Variants in C8orf89 observed in about 807,000 individuals in gnomAD.
C8orf89 encodes the protein chromosome 8 open reading frame 89.
C8orf89 carries 14 observed loss-of-function variants against 15.8 expected under a neutral mutation model. The ratio of observed to expected loss-of-function variants is 0.89; its 90% CI spans 0.59 to 1.39. The LOEUF is 1.39. Ranked by LOEUF, C8orf89 falls within the 40% of genes most tolerant of loss-of-function variation. C8orf89 has a pLI of 0.00. For missense variants in C8orf89, 181 were observed against 184.5 expected, an observed-to-expected ratio of 0.98 and a Z score of 0.11; for synonymous variants, 55 against 62.2, an observed-to-expected ratio of 0.88 and a Z score of 0.54.
intron 3 of C8orf89, among the ~76,000 whole-genome samples, chr8:73,245,174 G>C (rs1813097864): frequency 6.6e-6 from 1 of 152,196 alleles, no homozygotes; most frequent in Non-Finnish European, 1.5e-5. Flanking sequence ...CCGCCCCCAT[G>C]ATTCAATCAT....
chr8:73,250,468 G>T, intron 2 of C8orf89, 145 bp from the exon 3 acceptor site: 1 of 573,266 alleles, frequency 1.7e-6, no homozygotes, highest in South Asian at 2.6e-5. Context: ...ATCAGAAGCA[G>T]ATATGAGCCA....
intron 2 of C8orf89, among the ~76,000 whole-genome samples, chr8:73,252,976 C>T (rs1432991416): frequency 6.6e-6 from 1 of 152,108 alleles, no homozygotes; most frequent in Non-Finnish European, 1.5e-5. Context: ...CCCGTCTCTA[C>T]TAAAAAAATA....
chr8:73,256,851 G>C lies in C8orf89; in HGVS notation c.281+122C>G, dbSNP rs1237011367. The C allele has an allele frequency of 6.9e-6, 3 of 436,202 alleles. No homozygotes were observed. In the African/African-American group the frequency reaches 8.2e-5, roughly 12 times the overall value. 27.0% of individuals were successfully genotyped at this position (436,202 alleles called of 1,614,324 possible). A position where few individuals can be genotyped will look rare whatever the true frequency, so the allele number is the denominator to read the frequency against. ...AGATTTTAAAAATTAAATCCTTTATGTAAAAAAAAAAAAAAAACAGGCAAA... is the reference window on the plus strand; with the variant it reads ...AGATTTTAAAAATTAAATCCTTTATCTAAAAAAAAAAAAAAAACAGGCAAA... On this transcript the variant is annotated intron_variant, in intron 2 of 3. Transcript: ENST00000624510.
upstream of C8orf89, among the ~76,000 whole-genome samples, chr8:73,261,154 C>A (rs181223866): frequency 2.2e-4 from 34 of 152,242 alleles, no homozygotes; most frequent in Admixed American, 3.9e-4. Context: ...CAGCTTTTTG[C>A]GAGACTTTAC....
chr8:73,250,308 C>T lies in C8orf89; in HGVS notation c.297G>A (p.Lys99=). The T allele has an allele frequency of 6.5e-7, 1 of 1,530,486 alleles. No individual in the cohort carries two copies. The highest frequency in any genetic ancestry group is 8.8e-7 in the Non-Finnish European group (1 of 1,142,476). The allele number at this position is 1,530,486 out of a possible 1,614,324, so 94.8% of individuals were successfully genotyped here. A position where few individuals can be genotyped will look rare whatever the true frequency, so the allele number is the denominator to read the frequency against. The change falls in exon 3 of 4, where the codon AAG becomes AAA. Residue 99 remains lysine (K), a synonymous_variant. Coordinates refer to ENST00000624510, the MANE Select transcript of C8orf89 (RefSeq NM_001243237.3). ...EVSAVRLKKT[K]ETCSVAPLWE... ...AAAGTGGTGCCACACTGCATGTCTCCTTAGTCTTCTTTAGCCTGAATATTA... is the reference window on the plus strand; with the variant it reads ...AAAGTGGTGCCACACTGCATGTCTCTTTAGTCTTCTTTAGCCTGAATATTA...
chr8:73,249,292 C>G (rs1813196008), intron 3 of C8orf89, among the ~76,000 whole-genome samples: 1 of 152,140 alleles, frequency 6.6e-6, no homozygotes, highest in Non-Finnish European at 1.5e-5. Context: ...GGTGGATTAG[C>G]TTTTTGGTAT....
the C8orf89 span, among the ~76,000 whole-genome samples, chr8:73,284,339 G>C: frequency 4.0e-5 from 6 of 149,414 alleles, no homozygotes; most frequent in Admixed American, 2.0e-4. Context: ...TCAGCCTCCT[G>C]AGTAGCTGGG....
At chr8:73,247,837 T>G (rs1224769681) in intron 3 of C8orf89, among the ~76,000 whole-genome samples, 3 of 152,232 alleles carry the variant, frequency 2.0e-5, no homozygotes, top group Non-Finnish European at 2.9e-5. Context: ...ATGCTGGATA[T>G]TAGACCTTTG....
intron 3 of C8orf89, among the ~76,000 whole-genome samples, chr8:73,249,425 T>A (rs536883474): frequency 6.6e-6 from 1 of 152,202 alleles, no homozygotes; most frequent in East Asian, 1.9e-4. Context: ...AGGATGATGC[T>A]TGTCTCATAG....
the C8orf89 span, among the ~76,000 whole-genome samples, chr8:73,280,706 CAT>C: frequency 6.6e-6 from 1 of 150,778 alleles, no homozygotes; most frequent in Non-Finnish European, 1.5e-5. Context: ...CATACATATA[CAT>C]ATATATATAC....
At chr8:73,276,938 C>T in the C8orf89 span, among the ~76,000 whole-genome samples, 416 of 151,732 alleles carry the variant, frequency 2.7e-3, no homozygotes, top group Non-Finnish European at 4.9e-3. Context: ...TCCTGAATAG[C>T]TGGGACTACA....
rs1167756359 is a variant in C8orf89 at position 73,241,452 on chromosome 8, A to AT, written c.*4dup. The AT allele has an allele frequency of 1.3e-6, 2 of 1,519,614 alleles. No individual in the cohort carries two copies. Among genetic ancestry groups the AT allele is most frequent in the South Asian group, 2.5e-5 (2 of 81,158 alleles). 94.1% of individuals were successfully genotyped at this position (1,519,614 alleles called of 1,614,324 possible). ...TGAAGAAAGCATCACACTGTACGACATTTTTCAGCGGTCTCGGAGGTCTCG... is the reference window on the plus strand; with the variant it reads ...TGAAGAAAGCATCACACTGTACGACATTTTTTCAGCGGTCTCGGAGGTCTCG... On this transcript the variant is annotated 3_prime_UTR_variant, in exon 4 of 4. Coordinates refer to ENST00000624510, the MANE Select transcript of C8orf89 (RefSeq NM_001243237.3).
At position 73,257,141 on chromosome 8, in the gene C8orf89, A is replaced by G. The variant is rs1029384863; in HGVS notation, c.128-15T>C. 4.0e-6 allele frequency: 6 copies of G among 1,493,242 alleles called. No individual in the cohort carries two copies. Among genetic ancestry groups the G allele is most frequent in the Non-Finnish European group, 4.5e-6 (5 of 1,117,230 alleles). 92.5% of individuals were successfully genotyped at this position (1,493,242 alleles called of 1,614,324 possible). On this transcript the variant is annotated splice_polypyrimidine_tract_variant and intron_variant, in intron 1 of 3. Coordinates refer to ENST00000624510, the MANE Select transcript of C8orf89 (RefSeq NM_001243237.3). ...TGTGGTATATTCTGGTTAAAAATATATAAGAATCATCTTGATTAAATGCAT... is the reference window on the plus strand; with the variant it reads ...TGTGGTATATTCTGGTTAAAAATATGTAAGAATCATCTTGATTAAATGCAT...
At chr8:73,268,806 A>G in the C8orf89 span, among the ~76,000 whole-genome samples, 1 of 152,180 alleles carries the variant, frequency 6.6e-6, no homozygotes, top group Non-Finnish European at 1.5e-5. Context: ...ATGAGTTGCT[A>G]ATTGTTGCAA....
upstream of C8orf89, among the ~76,000 whole-genome samples, chr8:73,259,739 A>T (rs1813488111): frequency 7.0e-6 from 1 of 142,688 alleles, no homozygotes; most frequent in South Asian, 2.1e-4. Context: ...ATTTGTGCCT[A>T]AAAAAAAAAA....
chr8:73,273,305 T>C, the C8orf89 span, among the ~76,000 whole-genome samples: 1 of 152,182 alleles, frequency 6.6e-6, no homozygotes, highest in African/African-American at 2.4e-5. Context: ...CGGAAACCAC[T>C]TGCCTCTGTA....
chr8:73,277,519 C>T, the C8orf89 span: 1 of 772,796 alleles, frequency 1.3e-6, no homozygotes, highest in East Asian at 2.4e-5. Context: ...GAGGATGAAG[C>T]CTTCTCCTTC....
At chr8:73,269,035 C>T in the C8orf89 span, among the ~76,000 whole-genome samples, 1 of 152,024 alleles carries the variant, frequency 6.6e-6, no homozygotes, top group African/African-American at 2.4e-5. Context: ...TGTGGTCACA[C>T]CAAGCTGCAA....
At chr8:73,243,089 G>A (rs532998469) in intron 3 of C8orf89, among the ~76,000 whole-genome samples, 49 of 152,204 alleles carry the variant, frequency 3.2e-4, no homozygotes, top group African/African-American at 1.2e-3. Flanking sequence ...AGTTATTTGT[G>A]GGTGCTAAAA....
Sources: gnomAD v4.1 joint callset for allele counts (sites outside exome capture counted in the v4.1 genomes callset) on GRCh38, gnomAD v4.1.1 for gene constraint, MANE v1.5 for transcripts, NCBI Gene and HGNC (gene_info 2026-07-23, HGNC 2026-07-21) for gene names.